Variants in RPS6KC1 observed in about 807,000 individuals in gnomAD.
The protein encoded by RPS6KC1 is inactive ribosomal protein S6 kinase delta-1.
RPS6KC1 carries 54 observed loss-of-function variants against 103.8 expected under a neutral mutation model. The ratio of observed to expected loss-of-function variants is 0.52; its 90% confidence interval spans 0.42 to 0.65. The LOEUF (loss-of-function observed/expected upper bound fraction) is 0.65, where lower values mean the gene tolerates loss of function less well. RPS6KC1 is among the 30% of genes least tolerant of loss of function. The pLI, the probability that RPS6KC1 is intolerant of heterozygous loss-of-function variation, is 0.00. For missense variants in RPS6KC1, 1,151 were observed against 1,253.8 expected, an observed-to-expected ratio of 0.92 and a Z score of 1.24; for synonymous variants, 439 against 438.7, an observed-to-expected ratio of 1.00 and a Z score of -0.01.
chr1:213,326,968 CAA>C, the RPS6KC1 span, among the ~76,000 whole-genome samples: 36 of 151,392 alleles, frequency 2.4e-4, no homozygotes, highest in African/African-American at 8.7e-4. Flanking sequence ...AGTTGTAACA[CAA>C]ATATGCATTC....
the RPS6KC1 span, among the ~76,000 whole-genome samples, chr1:213,537,640 C>G: frequency 6.6e-6 from 1 of 152,064 alleles, no homozygotes; most frequent in East Asian, 1.9e-4. Flanking sequence ...AGCTTCTTTC[C>G]TCTTGATATT....
At chr1:213,588,659 T>C in the RPS6KC1 span, among the ~76,000 whole-genome samples, 1 of 152,062 alleles carries the variant, frequency 6.6e-6, no homozygotes, top group African/African-American at 2.4e-5. Flanking sequence ...TTGGGGTACA[T>C]AACATTGAGA....
chr1:213,651,112 C>A, the RPS6KC1 span, among the ~76,000 whole-genome samples: 36 of 151,056 alleles, frequency 2.4e-4, no homozygotes, highest in African/African-American at 8.3e-4. Context: ...GAGAGAAGAC[C>A]CCCAGAATGG....
chr1:213,197,571 G>A (rs781127082), intron 8 of RPS6KC1, among the ~76,000 whole-genome samples: 9 of 151,704 alleles, frequency 5.9e-5, no homozygotes, highest in South Asian at 4.1e-4. Flanking sequence ...TTTTGTAGTC[G>A]TTGCAAAAGG....
chr1:213,066,921 G>A (rs2078382016), intron 1 of RPS6KC1, among the ~76,000 whole-genome samples: 1 of 152,042 alleles, frequency 6.6e-6, no homozygotes, highest in South Asian at 2.1e-4. Context: ...AACTGCTTAG[G>A]GCCAACCTGC....
the RPS6KC1 span, among the ~76,000 whole-genome samples, chr1:213,598,030 C>T: frequency 3.9e-5 from 6 of 152,178 alleles, no homozygotes; most frequent in East Asian, 3.9e-4. Flanking sequence ...ATTAGGTTGA[C>T]GCAAAAGTAA....
At chr1:213,093,943 T>C (rs769885919) in intron 3 of RPS6KC1, among the ~76,000 whole-genome samples, 15 of 152,208 alleles carry the variant, frequency 9.9e-5, no homozygotes, top group Non-Finnish European at 2.2e-4. Flanking sequence ...TTTCAGAAGA[T>C]ATCTCTTCTA....
chr1:213,465,416 C>G, the RPS6KC1 span, among the ~76,000 whole-genome samples: 24 of 152,186 alleles, frequency 1.6e-4, no homozygotes, highest in Non-Finnish European at 2.8e-4. Flanking sequence ...AGGGCATACA[C>G]ATTTTCAGTT....
Position 213,272,989 on chromosome 1 carries a change from C to A in RPS6KC1, c.*355C>A, listed in dbSNP as rs1573761693. 5.8e-6 allele frequency: 1 copy of A among 173,756 alleles called. No individual in the cohort carries two copies. Among genetic ancestry groups the A allele is most frequent in the South Asian group, 1.5e-4 (1 of 6,546 alleles). 10.8% of individuals were successfully genotyped at this position (173,756 alleles called of 1,614,324 possible). A position where few individuals can be genotyped will look rare whatever the true frequency, so the allele number is the denominator to read the frequency against. ...ATGAAGTTTTACTTGACAGAAGGAC[C>A]TTTACATGGCAGCTAACAGTGCTTT... On this transcript the variant is annotated 3_prime_UTR_variant, in exon 15 of 15. Coordinates refer to ENST00000366960, the MANE Select transcript of RPS6KC1 (RefSeq NM_012424.6).
chr1:213,183,454 T>C (rs1198940003), intron 8 of RPS6KC1, among the ~76,000 whole-genome samples: 1 of 152,112 alleles, frequency 6.6e-6, no homozygotes, highest in Non-Finnish European at 1.5e-5. Context: ...GTGTGTTCTC[T>C]GACCATGTCT....
the RPS6KC1 span, among the ~76,000 whole-genome samples, chr1:213,386,709 T>C: frequency 2.1e-3 from 314 of 152,302 alleles, 1 homozygote; most frequent in African/African-American, 6.5e-3. Context: ...TCAACTCCCT[T>C]ACGTCTCCTC....
At chr1:213,176,637 A>C in intron 8 of RPS6KC1, 145 bp downstream of exon 8, 1 of 495,776 alleles carries the variant, frequency 2.0e-6, no homozygotes, top group Non-Finnish European at 3.6e-6. Context: ...ACAAAAGCAA[A>C]AGAGAAAAAG....
At chr1:213,234,055 C>T (rs1185383092) in intron 10 of RPS6KC1, among the ~76,000 whole-genome samples, 1 of 146,114 alleles carries the variant, frequency 6.8e-6, no homozygotes, top group African/African-American at 2.5e-5. Flanking sequence ...TAGGGTCTTG[C>T]TCTGTCTCCT....
the RPS6KC1 span, among the ~76,000 whole-genome samples, chr1:213,829,654 TAA>T: frequency 1.8e-4 from 28 of 152,226 alleles, 1 homozygote; most frequent in East Asian, 2.1e-3. Flanking sequence ...TGTATCCAAG[TAA>T]AGAGAGAAAT....
the RPS6KC1 span, among the ~76,000 whole-genome samples, chr1:213,458,870 T>C: frequency 1.3e-5 from 2 of 152,144 alleles, no homozygotes; most frequent in Non-Finnish European, 2.9e-5. Flanking sequence ...GAGATAATCA[T>C]GGTTTTTGTC....
chr1:213,752,371 A>AT, the RPS6KC1 span, among the ~76,000 whole-genome samples: 49 of 152,234 alleles, frequency 3.2e-4, no homozygotes, highest in African/African-American at 1.1e-3. Flanking sequence ...AAAAAAAAAA[A>AT]GGGTGGCCCC....
At chr1:213,699,057 C>T in the RPS6KC1 span, among the ~76,000 whole-genome samples, 1 of 152,034 alleles carries the variant, frequency 6.6e-6, no homozygotes, top group Non-Finnish European at 1.5e-5. Flanking sequence ...TACAAACAGT[C>T]CAATTATACT....
At chr1:213,386,135 T>G in the RPS6KC1 span, among the ~76,000 whole-genome samples, 1 of 152,128 alleles carries the variant, frequency 6.6e-6, no homozygotes, top group Non-Finnish European at 1.5e-5. Context: ...AGTCATTCCC[T>G]GGAGAGCTGG....
At chr1:213,816,354 G>A in the RPS6KC1 span, among the ~76,000 whole-genome samples, 3 of 152,234 alleles carry the variant, frequency 2.0e-5, no homozygotes, top group Admixed American at 6.5e-5. Flanking sequence ...AATAAAACAA[G>A]GGCATGCCTA....
Sources: gnomAD v4.1 joint callset for allele counts (sites outside exome capture counted in the v4.1 genomes callset) on GRCh38, gnomAD v4.1.1 for gene constraint, MANE v1.5 for transcripts, NCBI Gene and HGNC (gene_info 2026-07-23, HGNC 2026-07-21) for gene names.